Variants in PRKG1 observed in about 807,000 individuals in gnomAD.
PRKG1 encodes cGMP-dependent protein kinase 1.
PRKG1 carries 35 observed loss-of-function variants against 88.1 expected under a neutral mutation model. The observed-to-expected ratio is 0.40, with a 90% CI of 0.30 to 0.53. The LOEUF (loss-of-function observed/expected upper bound fraction) is 0.53. Among genes scored for constraint, PRKG1 ranks in the 20% least tolerant of loss-of-function variants. The pLI, the probability that PRKG1 is intolerant of heterozygous loss-of-function variation, is 0.59. For missense variants in PRKG1, 540 were observed against 839.8 expected, an observed-to-expected ratio of 0.64 and a Z score of 4.41; for synonymous variants, 303 against 292.5, an observed-to-expected ratio of 1.04 and a Z score of -0.37.
At chr10:51,467,039 T>C (rs986759249) in intron 2 of PRKG1, among the ~76,000 whole-genome samples, 2 of 152,074 alleles carry the variant, frequency 1.3e-5, no homozygotes, top group African/African-American at 4.8e-5. Flanking sequence ...TAACATTTGT[T>C]TTACTTGCAG....
At chr10:51,264,151 C>G (rs1401551983) in intron 2 of PRKG1, among the ~76,000 whole-genome samples, 1 of 151,952 alleles carries the variant, frequency 6.6e-6, no homozygotes, top group Admixed American at 6.5e-5. Flanking sequence ...TTTTCTTTGC[C>G]CACCTGTATG....
intron 2 of PRKG1, among the ~76,000 whole-genome samples, chr10:51,228,678 C>A (rs1838757795): frequency 6.6e-6 from 1 of 152,192 alleles, no homozygotes; most frequent in African/African-American, 2.4e-5. Flanking sequence ...AGAAAAGTTG[C>A]TGCTTTCAAT....
intron 3 of PRKG1, among the ~76,000 whole-genome samples, chr10:51,711,348 C>A (rs1406748888): frequency 2.6e-5 from 4 of 152,112 alleles, no homozygotes; most frequent in Non-Finnish European, 5.9e-5. Flanking sequence ...TCGTGATCGA[C>A]CCGCCTCGGG....
intron 4 of PRKG1, among the ~76,000 whole-genome samples, chr10:51,846,969 T>A (rs1048903967): frequency 6.6e-6 from 1 of 152,142 alleles, no homozygotes; most frequent in African/African-American, 2.4e-5. Context: ...AATTCTGAGT[T>A]CAGAGAGCAT....
chr10:51,944,988 G>C (rs1054798863), intron 5 of PRKG1, among the ~76,000 whole-genome samples: 16 of 151,336 alleles, frequency 1.1e-4, no homozygotes, highest in Non-Finnish European at 1.9e-4. Flanking sequence ...GTGCAGAGCT[G>C]AGTTCAATTC....
At chr10:51,088,289 C>T (rs2131860198) in intron 1 of PRKG1, among the ~76,000 whole-genome samples, 1 of 152,078 alleles carries the variant, frequency 6.6e-6, no homozygotes, top group South Asian at 2.1e-4. Context: ...CCCTCTTTTC[C>T]CTTAAATATT....
chr10:51,800,853 T>A (rs1457803709), intron 3 of PRKG1, among the ~76,000 whole-genome samples: 5 of 152,018 alleles, frequency 3.3e-5, no homozygotes, highest in Admixed American at 6.6e-5. Flanking sequence ...ACCCCCATGA[T>A]GTTATCTAAA....
In PRKG1 at chr10:51,727,464, G is replaced by A. The variant is rs114955922; in HGVS notation, c.593-77121G>A. 2.8e-3 allele frequency among the ~76,000 whole-genome samples: 423 copies of A among 152,088 alleles called. 3 individuals carry two copies. Among genetic ancestry groups the A allele is most frequent in the African/African-American group, 9.4e-3 (391 of 41,482 alleles). ...GTGTCACTCTTAGCAGACTGCTATCGAGTGAAACCAAGATTCTATTGAAAT... is the reference window on the plus strand; with the variant it reads ...GTGTCACTCTTAGCAGACTGCTATCAAGTGAAACCAAGATTCTATTGAAAT... On this transcript the variant is annotated intron_variant, in intron 3 of 17. Coordinates refer to ENST00000373980, the MANE Select transcript of PRKG1 (RefSeq NM_006258.4).
At chr10:51,504,876 G>C (rs1293856971) in intron 3 of PRKG1, among the ~76,000 whole-genome samples, 1 of 152,156 alleles carries the variant, frequency 6.6e-6, no homozygotes, top group Non-Finnish European at 1.5e-5. Flanking sequence ...GTTGGGCTGA[G>C]ACGATGGGGT....
intron 7 of PRKG1, among the ~76,000 whole-genome samples, chr10:52,069,524 C>T (rs1369934243): frequency 7.2e-6 from 1 of 139,718 alleles, no homozygotes; most frequent in Non-Finnish European, 1.6e-5. Context: ...AGTGAGACTC[C>T]ATCTCAAAAA....
rs1397861241 is a variant in PRKG1, at chr10:52,233,744, C to G, written c.1077-17826C>G. Among the ~76,000 whole-genome samples, 4 of 149,232 alleles carry G rather than the reference C, an allele frequency of 2.7e-5. No homozygotes were observed. The East Asian group carries it at 8.0e-4, about 30-fold the overall frequency. On this transcript the variant is annotated intron_variant, in intron 9 of 17. Transcript: ENST00000373980. The stretch of plus-strand genomic sequence containing the variant: ...CGGCAGCGAGGCTGGGGGAGGGGCG[C>G]CCGCCATTGCCCAGGCTTGCTTAGG...
chr10:52,010,542 T>G (rs1844854662), intron 5 of PRKG1, among the ~76,000 whole-genome samples: 1 of 152,188 alleles, frequency 6.6e-6, no homozygotes, highest in Non-Finnish European at 1.5e-5. Context: ...GGATCTTTCA[T>G]ATTTCAAACT....
intron 1 of PRKG1, among the ~76,000 whole-genome samples, chr10:51,138,474 T>C (rs944378867): frequency 7.2e-5 from 11 of 152,288 alleles, no homozygotes; most frequent in Non-Finnish European, 1.2e-4. Flanking sequence ...TTGTCTGCAC[T>C]AACTTGGTAT....
At chr10:51,979,256 C>G (rs2199584) in intron 5 of PRKG1, among the ~76,000 whole-genome samples, 1 of 151,708 alleles carries the variant, frequency 6.6e-6, no homozygotes, top group African/African-American at 2.4e-5. Flanking sequence ...TGATGAATCA[C>G]AGTTATTGAT....
rs59111824 is a variant in PRKG1 at position 51,892,279 on chromosome 10, T to G, written c.699-15228T>G. On this transcript the variant is annotated intron_variant, in intron 4 of 17. Transcript: ENST00000373980. ...TTAATAAGTCATGTAGTAAAGAGGA[T>G]TTTTCAAATTTTTATAACTCAGAAT... Among the ~76,000 whole-genome samples the G allele has an allele frequency of 9.8e-3, 1,487 of 152,248 alleles. 19 individuals carry two copies. Among genetic ancestry groups the G allele is most frequent in the African/African-American group, 0.032 (1,341 of 41,564 alleles).
At chr10:52,089,057 CA>C in intron 7 of PRKG1, among the ~76,000 whole-genome samples, 1 of 152,136 alleles carries the variant, frequency 6.6e-6, no homozygotes, top group African/African-American at 2.4e-5. Flanking sequence ...TTTAAAATAT[CA>C]AGTTTTTTTG....
At chr10:51,699,181 A>G in intron 3 of PRKG1, 1 of 1,614,158 alleles carries the variant, frequency 6.2e-7, no homozygotes, top group Non-Finnish European at 8.5e-7. Context: ...ATTCAGGGGC[A>G]TCTTCTGGAT....
chr10:51,764,696 T>A (rs1838110363), intron 3 of PRKG1, among the ~76,000 whole-genome samples: 1 of 152,168 alleles, frequency 6.6e-6, no homozygotes, highest in African/African-American at 2.4e-5. Context: ...AAGTAAGAAT[T>A]AATGTAATAA....
At chr10:51,078,591 TA>T (rs1292860112) in intron 1 of PRKG1, among the ~76,000 whole-genome samples, 2 of 23,832 alleles carry the variant, frequency 8.4e-5, no homozygotes, top group East Asian at 3.1e-3. Context: ...TATTTATTTA[TA>T]TTTATTTATT....
Sources: allele counts gnomAD v4.1 joint callset (sites outside exome capture counted in the v4.1 genomes callset), GRCh38; gene constraint gnomAD v4.1.1; transcripts MANE v1.5; gene names NCBI Gene and HGNC (gene_info 2026-07-23, HGNC 2026-07-21).